Variants in RNF213 observed in about 807,000 individuals in gnomAD.
RNF213 encodes the protein ring finger protein 213.
In RNF213, 341 loss-of-function variants were observed where a neutral mutation model predicts 514.4. That is an observed-to-expected ratio of 0.66 (90% CI 0.61 to 0.73). RNF213 has a LOEUF of 0.73. Ranked by LOEUF, RNF213 falls within the 30% of genes least tolerant of loss-of-function variation. The probability of loss-of-function intolerance (pLI) is 0.00; values close to 1 mark genes in which losing one functional copy is unlikely to be tolerated. For synonymous variants in RNF213, 2,655 were observed against 2,658.2 expected, an observed-to-expected ratio of 1.00 and a Z score of 0.04; for missense variants, 5,767 against 6,615.6, an observed-to-expected ratio of 0.87 and a Z score of 4.45.
intron 11 of RNF213, among the ~76,000 whole-genome samples, chr17:80,301,846 C>T (rs2045190135): frequency 1.3e-5 from 2 of 152,138 alleles, no homozygotes; most frequent in Admixed American, 6.6e-5. Context: ...CTATATTTAT[C>T]GTAACACTCA....
intron 7 of RNF213, among the ~76,000 whole-genome samples, 193 bp downstream of exon 7, chr17:80,290,921 T>C (rs1330114537): frequency 6.6e-6 from 1 of 151,964 alleles, no homozygotes; most frequent in Non-Finnish European, 1.5e-5. Flanking sequence ...GCGATTCTCA[T>C]GCCTCAGCTC....
chr17:80,377,240 G>A lies in RNF213; in HGVS notation c.13510+277G>A, dbSNP rs192762149. The A allele has an allele frequency of 6.2e-6, 3 of 484,466 alleles. No homozygotes were observed. In the East Asian group the frequency reaches 1.2e-4, roughly 19 times the overall value. 30.0% of individuals were successfully genotyped at this position (484,466 alleles called of 1,614,324 possible). On this transcript the variant is annotated intron_variant, in intron 53 of 67. Coordinates refer to ENST00000582970, the MANE Select transcript of RNF213 (RefSeq NM_001256071.3). The surrounding 1 kb of genome is among the most constrained non-coding windows in gnomAD (Gnocchi z 4.1). ...TGGAATATGCCATTTTGGGAGAAGG[G>A]AGGGACTGGGAACCACATCAGAGAC...
chr17:80,325,303 A>T, intron 18 of RNF213, 105 bp downstream of exon 18: 1 of 1,163,870 alleles, frequency 8.6e-7, no homozygotes, highest in Non-Finnish European at 1.2e-6. Flanking sequence ...CTGAATTGGG[A>T]TGGGCTGATG....
intron 3 of RNF213, among the ~76,000 whole-genome samples, chr17:80,284,016 G>A (rs146197143): frequency 0.028 from 4,258 of 150,840 alleles, 79 homozygotes; most frequent in Middle Eastern, 0.055. Flanking sequence ...CTGAGGTCAG[G>A]AGTTCAAGAC....
At chr17:80,350,450 A>G (rs2078466983) in intron 31 of RNF213, 54 bp downstream of exon 31, 1 of 1,149,856 alleles carries the variant, frequency 8.7e-7, no homozygotes, top group African/African-American at 1.5e-5. Flanking sequence ...AAACGTAGGA[A>G]GTCCTAGAGA....
intron 16 of RNF213, 60 bp from the exon 17 acceptor site, chr17:80,319,130 A>G (rs1208887269): frequency 6.2e-7 from 1 of 1,613,950 alleles, no homozygotes; most frequent in Non-Finnish European, 8.5e-7. Context: ...TTTTCATCCC[A>G]TAGAGCACTG....
chr17:80,360,046 C>T lies in RNF213; in HGVS notation c.11055-15C>T, dbSNP rs375030119. 1.2e-4 allele frequency: 198 copies of T among 1,613,758 alleles called. No homozygotes were observed. The highest frequency in any genetic ancestry group is 1.7e-4 in the Non-Finnish European group (196 of 1,179,872). On this transcript the variant is annotated splice_polypyrimidine_tract_variant and intron_variant, in intron 37 of 67. Transcript: ENST00000582970. Reference sequence around the variant, plus strand: ...CTCACAAACCCTCTTCTTATCATCCCTCACCTTATTGCAGACATAAAGGTG... The same window carrying T: ...CTCACAAACCCTCTTCTTATCATCCTTCACCTTATTGCAGACATAAAGGTG...
At chr17:80,376,250 T>A (rs755612784) in intron 51 of RNF213, 51 bp from the exon 52 acceptor site, 4 of 1,605,418 alleles carry the variant, frequency 2.5e-6, no homozygotes, top group Non-Finnish European at 3.4e-6. Context: ...CTAAGAGCAA[T>A]TCACACAATA....
chr17:80,380,875 C>G lies in RNF213; in HGVS notation c.13685C>G (p.Pro4562Arg). The G allele has an allele frequency of 1.9e-6, 3 of 1,614,178 alleles. No homozygotes were observed. The highest frequency in any genetic ancestry group is 1.7e-6 in the Non-Finnish European group (2 of 1,180,034). The change falls in exon 56 of 68, where the codon CCG becomes CGG. Residue 4562 changes from proline (P) to arginine (R), a missense_variant. By Grantham distance (103) the Pro-to-Arg change is moderately radical. Transcript: ENST00000582970. ...RTQTGHVLGN[P>R]QRRDVVTCDR... ...CAGACCGGCCACGTGCTGGGCAACCCGCAGCGGAGAGACGTGGTGACATGT... is the reference window on the plus strand; with the variant it reads ...CAGACCGGCCACGTGCTGGGCAACCGGCAGCGGAGAGACGTGGTGACATGT...
chr17:80,385,209 A>C (rs1424638857), intron 60 of RNF213, 38 bp downstream of exon 60: 1 of 1,613,524 alleles, frequency 6.2e-7, no homozygotes, highest in African/African-American at 1.3e-5. Flanking sequence ...ACTGTCCCGC[A>C]TTTGGCGGTT....
chr17:80,350,164 A>C (rs2078455191), intron 30 of RNF213, 137 bp from the exon 31 acceptor site: 3 of 764,048 alleles, frequency 3.9e-6, no homozygotes, highest in East Asian at 2.7e-5. Flanking sequence ...CCCCTGGACT[A>C]TCTGTTCTTA....
chr17:80,380,698 G>A lies in RNF213; in HGVS notation c.13641-133G>A. ...AGAGACTCTTAGGAACATGGTCCAG[G>A]CTTTGTGGAACAGCAAGTACTCTTC... On this transcript the variant is annotated intron_variant, in intron 55 of 67. Coordinates refer to ENST00000582970, the MANE Select transcript of RNF213 (RefSeq NM_001256071.3). 4.7e-6 allele frequency: 5 copies of A among 1,065,790 alleles called. 1 individual carries two copies. Among genetic ancestry groups the A allele is most frequent in the South Asian group, 3.9e-5 (3 of 77,720 alleles). 66.0% of individuals were successfully genotyped at this position (1,065,790 alleles called of 1,614,324 possible). A position where few individuals can be genotyped will look rare whatever the true frequency, so the allele number is the denominator to read the frequency against.
In RNF213 at chr17:80,291,712, C is replaced by G. The variant is rs377314891; in HGVS notation, c.1356C>G (p.Tyr452Ter). ...KHLDKYIPYK[Y>*]VIYNGESFEY... ...TAGATAAATACATTCCTTACAAGTACGTCATTTATAATGGGGAATCTTTTG... is the reference window on the plus strand; with the variant it reads ...TAGATAAATACATTCCTTACAAGTAGGTCATTTATAATGGGGAATCTTTTG... The change falls in exon 8 of 68, where the codon TAC becomes TAG. Residue 452 changes from tyrosine to a stop codon, truncating the protein, a stop_gained. Coordinates refer to ENST00000582970, the MANE Select transcript of RNF213 (RefSeq NM_001256071.3). LOFTEE classifies it high-confidence loss of function. 2 of 1,614,148 alleles carry G rather than the reference C, an allele frequency of 1.2e-6. No individual in the cohort carries two copies. The highest frequency in any genetic ancestry group is 8.5e-7 in the Non-Finnish European group (1 of 1,180,032).
intron 54 of RNF213, among the ~76,000 whole-genome samples, chr17:80,378,234 G>A (rs1458459726): frequency 2.0e-5 from 3 of 152,208 alleles, no homozygotes; most frequent in Non-Finnish European, 4.4e-5. Flanking sequence ...AGAATGGCAA[G>A]GTGTTGCCTG....
At chr17:80,328,062 T>C in intron 19 of RNF213, 73 bp downstream of exon 19, 1 of 1,489,418 alleles carries the variant, frequency 6.7e-7, no homozygotes, top group Non-Finnish European at 9.0e-7. Flanking sequence ...TGTGTTTGCG[T>C]GTGCATTTTT....
intron 15 of RNF213, chr17:80,315,699 AGAG>A (rs2045895072): frequency 1.5e-5 from 1 of 67,378 alleles, no homozygotes; most frequent in Non-Finnish European, 2.9e-5. Flanking sequence ...AGGTGATGGT[AGAG>A]GTAATGGAAG....
chr17:80,314,228 GAA>G (rs2045739208), intron 15 of RNF213, among the ~76,000 whole-genome samples: 9 of 110,772 alleles, frequency 8.1e-5, no homozygotes, highest in African/African-American at 1.7e-4. Flanking sequence ...TGGTGGTGGT[GAA>G]GGTGATGGTG....
intron 6 of RNF213, among the ~76,000 whole-genome samples, 161 bp from the exon 7 acceptor site, chr17:80,290,409 G>T (rs1208166325): frequency 7.3e-6 from 1 of 137,086 alleles, no homozygotes; most frequent in Non-Finnish European, 1.6e-5. Context: ...GTGCTTGTGT[G>T]TGTGCGTGTG....
rs766998094 is a variant in RNF213 at position 80,346,920 on chromosome 17, C to T, written c.8585C>T (p.Pro2862Leu). ...SPKMPLKTLH[P>L]LLEDGCIEDD... The stretch of plus-strand genomic sequence containing the variant: ...AAAATGCCCCTGAAGACTCTGCACC[C>T]GCTGCTGGAAGACGGATGCATTGAA... The change falls in exon 29 of 68, where the codon CCG becomes CTG. Residue 2862 changes from proline to leucine, a missense_variant. Around this residue, in one of 13 missense-constraint regions of RNF213, gnomAD observed 105 missense variants for 183.9 expected, o/e 0.57. Coordinates refer to ENST00000582970, the MANE Select transcript of RNF213 (RefSeq NM_001256071.3). The surrounding 1 kb of genome is among the most constrained non-coding windows in gnomAD (Gnocchi z 8.1). 2 of 1,614,090 alleles carry T rather than the reference C, an allele frequency of 1.2e-6. No homozygotes were observed. Among genetic ancestry groups the T allele is most frequent in the Non-Finnish European group, 1.7e-6 (2 of 1,180,022 alleles).
Sources: allele counts gnomAD v4.1 joint callset (sites outside exome capture counted in the v4.1 genomes callset), GRCh38; gene constraint gnomAD v4.1.1; regional missense constraint gnomAD v4.1.1; non-coding constraint Gnocchi (gnomAD v3.1); transcripts MANE v1.5; gene names NCBI Gene and HGNC (gene_info 2026-07-23, HGNC 2026-07-21).